The following CEP43 variants were observed in gnomAD, a reference collection of about 807,000 sequenced individuals.
The protein encoded by CEP43 is FGFR1 oncogene partner.
CEP43 carries 36 observed loss-of-function variants against 52.6 expected under a neutral mutation model. That is an observed-to-expected ratio of 0.68 (90% CI 0.52 to 0.90). The LOEUF is 0.90. Ranked by LOEUF, CEP43 falls within the 40% of genes least tolerant of loss-of-function variation. CEP43 has a pLI of 0.00. For synonymous variants in CEP43, 192 were observed against 172.4 expected, an observed-to-expected ratio of 1.11 and a Z score of -0.89; for missense variants, 506 against 472.8, an observed-to-expected ratio of 1.07 and a Z score of -0.65.
chr6:167,016,697 C>T (rs1780107975), intron 7 of CEP43, among the ~76,000 whole-genome samples: 1 of 152,178 alleles, frequency 6.6e-6, no homozygotes, highest in Admixed American at 6.5e-5. Context: ...TTCCCTGTCA[C>T]ACTCTCACAC....
intron 2 of CEP43, among the ~76,000 whole-genome samples, chr6:167,000,349 C>T (rs180859573): frequency 9.8e-4 from 150 of 152,298 alleles, no homozygotes; most frequent in Middle Eastern, 6.8e-3. Flanking sequence ...TAATCTGAAA[C>T]AAATGGTCAT....
intron 5 of CEP43, among the ~76,000 whole-genome samples, chr6:167,009,614 A>C (rs962064353): frequency 6.7e-6 from 1 of 150,348 alleles, no homozygotes; most frequent in South Asian, 2.1e-4. Context: ...GCAGTAAGCC[A>C]AGATCTCGCC....
intron 12 of CEP43, chr6:167,036,576 A>G: frequency 1.0e-6 from 1 of 985,450 alleles, no homozygotes; most frequent in Non-Finnish European, 1.2e-6. Flanking sequence ...GCAAACGTGA[A>G]CATTTACACT....
intron 10 of CEP43, among the ~76,000 whole-genome samples, chr6:167,031,374 G>A (rs1780467409): frequency 6.6e-6 from 1 of 152,198 alleles, no homozygotes; most frequent in African/African-American, 2.4e-5. Context: ...TGCACTAGCA[G>A]TATTTGGTTT....
chr6:167,025,750 C>CGTG (rs1780340694), intron 9 of CEP43, among the ~76,000 whole-genome samples: 1 of 152,182 alleles, frequency 6.6e-6, no homozygotes, highest in Non-Finnish European at 1.5e-5. Context: ...GCTTCTTTCC[C>CGTG]GTGGTTACTG....
Position 167,024,971 on chromosome 6 carries a change from T to G in CEP43, c.919+77T>G, listed in dbSNP as rs375006435. The G allele has an allele frequency of 1.9e-4, 157 of 816,390 alleles. 1 individual carries two copies. The African/African-American group carries it at 2.3e-3, about 12-fold the overall frequency. 50.6% of individuals were successfully genotyped at this position (816,390 alleles called of 1,614,324 possible). On this transcript the variant is annotated intron_variant, in intron 9 of 12. Transcript: ENST00000366847. ...TAAATACTATGTGATTATTGTTGATTTTTTTTCCCAGGAAAATCACTAAAA... is the reference window on the plus strand; with the variant it reads ...TAAATACTATGTGATTATTGTTGATGTTTTTTCCCAGGAAAATCACTAAAA...
At chr6:167,009,084 G>T (rs898057411) in intron 5 of CEP43, among the ~76,000 whole-genome samples, 1 of 149,600 alleles carries the variant, frequency 6.7e-6, no homozygotes, top group Non-Finnish European at 1.5e-5. Context: ...GTGAAACCCC[G>T]TCTCTATTAA....
In CEP43 at chr6:167,024,828, G is replaced by A. The variant is rs753697193; in HGVS notation, c.853G>A (p.Asp285Asn). The change falls in exon 9 of 13, where the codon GAT (aspartate) becomes AAT (asparagine). Residue 285 changes from aspartate to asparagine, a missense_variant. Physicochemically the swap from Asp to Asn is conservative, Grantham distance 23 (BLOSUM62 1). Coordinates refer to ENST00000366847, the MANE Select transcript of CEP43 (RefSeq NM_007045.4). ...KQAGSLASLSDAPPLKSGLSS... is the reference protein window; with the variant it reads ...KQAGSLASLSNAPPLKSGLSS... Reference sequence around the variant, plus strand: ...AGCAGGAAGTCTGGCCTCGCTCTCGGATGCACCCCCCTTAAAAAGTGGACT... The same window carrying A: ...AGCAGGAAGTCTGGCCTCGCTCTCGAATGCACCCCCCTTAAAAAGTGGACT... The A allele has an allele frequency of 4.4e-5, 71 of 1,613,910 alleles. 1 individual carries two copies. In the Admixed American group the frequency reaches 1.2e-3, roughly 27 times the overall value.
chr6:167,032,319 G>A (rs181049964), intron 10 of CEP43, among the ~76,000 whole-genome samples: 1 of 152,344 alleles, frequency 6.6e-6, no homozygotes, highest in East Asian at 1.9e-4. Flanking sequence ...ATTAAGTCAA[G>A]GGACCTTATT....
At position 167,051,547 on chromosome 6, in the gene CEP43, T is replaced by C. The variant is rs1780869521; in HGVS notation, c.*11569T>C. 1 of 152,254 alleles carries C rather than the reference T, an allele frequency of 6.6e-6. No individual in the cohort carries two copies. Among genetic ancestry groups the C allele is most frequent in the South Asian group, 2.1e-4 (1 of 4,832 alleles). The allele number at this position is 152,254 out of a possible 1,614,324, so 9.4% of individuals were successfully genotyped here. On this transcript the variant is annotated 3_prime_UTR_variant, in exon 13 of 13. Transcript: ENST00000366847. ...AGGCAGTTTCAAAATCTGAAACTTTTATTGTTAAATTATGTATTTATTCCT... is the reference window on the plus strand; with the variant it reads ...AGGCAGTTTCAAAATCTGAAACTTTCATTGTTAAATTATGTATTTATTCCT...
Position 167,022,429 on chromosome 6 carries a change from TCA to T in CEP43, c.601_602del (p.Gln201GlufsTer2). ...GDKKANDEAN[Q>X]SDTSVSLSEP... ...TCTAGAAGGCCAATGATGAGGCCAA[TCA>T]GAGTGATACAAGTGTCTCCTTGTCA... is the stretch of plus-strand genomic sequence containing the variant. On this transcript the variant is annotated frameshift_variant, in exon 8 of 13. Coordinates refer to ENST00000366847, the MANE Select transcript of CEP43 (RefSeq NM_007045.4). LOFTEE classifies it high-confidence loss of function. 6.2e-7 allele frequency: 1 copy of T among 1,613,952 alleles called. No homozygotes were observed. Among genetic ancestry groups the T allele is most frequent in the Non-Finnish European group, 8.5e-7 (1 of 1,179,864 alleles).
chr6:167,023,030 G>A (rs1262864966), intron 8 of CEP43, among the ~76,000 whole-genome samples: 2 of 152,196 alleles, frequency 1.3e-5, no homozygotes, highest in Non-Finnish European at 2.9e-5. Context: ...GTCAGGGCAG[G>A]TGCATGTCAG....
intron 5 of CEP43, 24 bp from the exon 6 acceptor site, chr6:167,010,789 T>C: frequency 2.4e-6 from 3 of 1,271,892 alleles, no homozygotes; most frequent in Non-Finnish European, 3.2e-6. Context: ...AAATGTATTT[T>C]AATTTTAAAC....
rs1459184794 is a variant in CEP43, at chr6:167,032,632, G to T, written c.1018G>T (p.Asp340Tyr). 1 of 1,576,310 alleles carries T rather than the reference G, an allele frequency of 6.3e-7. No individual in the cohort carries two copies. Among genetic ancestry groups the T allele is most frequent in the Non-Finnish European group, 8.6e-7 (1 of 1,156,756 alleles). The change falls in exon 11 of 13, where the codon GAT becomes TAT. Residue 340 changes from aspartate to tyrosine, a missense_variant. Asp to Tyr is a radical substitution (Grantham distance 160). Transcript: ENST00000366847. ...GTGEDDDYVD[D>Y]FNSTSHRSEK... ...TGGAGAAGATGATGACTATGTTGAT[G>T]ATTTTAATAGGTAAGAAAAACTATT...
chr6:166,999,404 A>G lies in CEP43; in HGVS notation c.-9A>G, dbSNP rs994143448. The G allele has an allele frequency of 2.0e-6, 3 of 1,465,574 alleles. No homozygotes were observed. Among genetic ancestry groups the G allele is most frequent in the Non-Finnish European group, 1.8e-6 (2 of 1,104,722 alleles). 90.8% of individuals were successfully genotyped at this position (1,465,574 alleles called of 1,614,324 possible). Reference sequence around the variant, plus strand: ...AGCGCGGCTTCGGCGGTTGTCTTGGAGAAGCAAGATGGCGGCGACGGCGGC... The same window carrying G: ...AGCGCGGCTTCGGCGGTTGTCTTGGGGAAGCAAGATGGCGGCGACGGCGGC... On this transcript the variant is annotated 5_prime_UTR_variant, in exon 1 of 13. Coordinates refer to ENST00000366847, the MANE Select transcript of CEP43 (RefSeq NM_007045.4).
intron 12 of CEP43, among the ~76,000 whole-genome samples, chr6:167,037,035 G>T (rs543727026): frequency 3.3e-5 from 5 of 152,210 alleles, no homozygotes; most frequent in African/African-American, 1.2e-4. Flanking sequence ...CAAACTCCTG[G>T]CCTCTTGTGA....
rs556114661 is a variant in CEP43, at chr6:167,023,113, C to T, written c.806+478C>T. Among the ~76,000 whole-genome samples, 6 of 152,126 alleles carry T rather than the reference C, an allele frequency of 3.9e-5. No homozygotes were observed. In the East Asian group the frequency reaches 5.8e-4, roughly 15 times the overall value. Reference sequence around the variant, plus strand: ...GAGCTAGAGGAGGTAAGGGAGTTGCCGTGGGTTGATGGAGCTTTGGGGAGA... The same window carrying T: ...GAGCTAGAGGAGGTAAGGGAGTTGCTGTGGGTTGATGGAGCTTTGGGGAGA... On this transcript the variant is annotated intron_variant, in intron 8 of 12. Transcript: ENST00000366847.
In CEP43 at chr6:167,040,301, G is replaced by C; in HGVS notation, c.*323G>C. 3 of 1,451,494 alleles carry C rather than the reference G, an allele frequency of 2.1e-6. No homozygotes were observed. The highest frequency in any genetic ancestry group is 2.7e-6 in the Non-Finnish European group (3 of 1,111,162). The allele number at this position is 1,451,494 out of a possible 1,614,324, so 89.9% of individuals were successfully genotyped here. A position where few individuals can be genotyped will look rare whatever the true frequency, so the allele number is the denominator to read the frequency against. ...GAGCATGATGAAAGGTGTCAATAAAGCCGTAGGATCGCGCAACCCTTTGTG... is the reference window on the plus strand; with the variant it reads ...GAGCATGATGAAAGGTGTCAATAAACCCGTAGGATCGCGCAACCCTTTGTG... On this transcript the variant is annotated 3_prime_UTR_variant, in exon 13 of 13. Coordinates refer to ENST00000366847, the MANE Select transcript of CEP43 (RefSeq NM_007045.4).
intron 7 of CEP43, among the ~76,000 whole-genome samples, chr6:167,022,036 A>G (rs181812599): frequency 2.0e-5 from 3 of 152,336 alleles, no homozygotes; most frequent in Non-Finnish European, 4.4e-5. Flanking sequence ...TGAAGCAATG[A>G]CATATGGAAG....
Sources: gnomAD v4.1 joint callset for allele counts (sites outside exome capture counted in the v4.1 genomes callset) on GRCh38, gnomAD v4.1.1 for gene constraint, MANE v1.5 for transcripts, NCBI Gene and HGNC (gene_info 2026-07-23, HGNC 2026-07-21) for gene names.